HDLBP: variants seen among roughly 807,000 people sequenced by gnomAD.
HDLBP encodes the protein vigilin.
A neutral mutation model predicts 137.3 loss-of-function variants in HDLBP; 30 were observed. That is an observed-to-expected ratio of 0.22 (90% confidence interval 0.16 to 0.30). HDLBP has a LOEUF of 0.30. HDLBP is among the 10% of genes least tolerant of loss of function. HDLBP has a pLI of 1.00. For synonymous variants in HDLBP, 606 were observed against 596.0 expected, an observed-to-expected ratio of 1.02 and a Z score of -0.24; for missense variants, 1,119 against 1,667.3, an observed-to-expected ratio of 0.67 and a Z score of 5.73.
In HDLBP at chr2:241,267,667, C is replaced by G. The variant is rs578000839; in HGVS notation, c.-37-761G>C. 3.3e-6 allele frequency: 5 copies of G among 1,535,602 alleles called. No individual in the cohort carries two copies. The African/African-American group carries it at 6.8e-5, about 21-fold the overall frequency. On this transcript the variant is annotated intron_variant, in intron 2 of 27. Transcript: ENST00000310931. The stretch of plus-strand genomic sequence containing the variant: ...GGTGCATCCAGGCCCCAAACTAAAC[C>G]ACCTCCAAATCTCGACTTAACCAGG...
chr2:241,268,975 G>A (rs1453101786), intron 1 of HDLBP: 4 of 152,212 alleles, frequency 2.6e-5, no homozygotes, highest in African/African-American at 9.7e-5. Context: ...TGTGGACCTC[G>A]GGGTCTCTGC....
chr2:241,303,945 AC>A (rs949194260), intron 1 of HDLBP, among the ~76,000 whole-genome samples: 11 of 152,080 alleles, frequency 7.2e-5, no homozygotes, highest in African/African-American at 2.7e-4. Context: ...AGTAGCTGGG[AC>A]CACAAAGGCA....
Position 241,238,762 on chromosome 2 carries a change from G to A in HDLBP, c.2636C>T (p.Ala879Val). 1 of 1,562,842 alleles carries A rather than the reference G, an allele frequency of 6.4e-7. No individual in the cohort carries two copies. Among genetic ancestry groups the A allele is most frequent in the Non-Finnish European group, 8.7e-7 (1 of 1,145,298 alleles). Reference sequence around the variant, plus strand: ...AGATCGATGGAATTTCTGGGGTATAGCACATTCTAATGTCACCTGAGCTTC... The same window carrying A: ...AGATCGATGGAATTTCTGGGGTATAACACATTCTAATGTCACCTGAGCTTC... The part of the protein sequence containing the change: ...DLEAQVTLEC[A>V]IPQKFHRSVM... Residue 879 changes from alanine (A) to valine (V), a missense_variant, in exon 20 of 28, where the codon GCT (alanine) becomes GTT (valine). Around this residue, in one of 4 missense-constraint regions of HDLBP, gnomAD observed 618 missense variants for 816.7 expected, o/e 0.76. Transcript: ENST00000310931. This position sits in a 1 kb window ranked among gnomAD's most constrained non-coding sequence, Gnocchi z 4.9.
At position 241,227,478 on chromosome 2, in the gene HDLBP, G is replaced by A. The variant is rs1659860984; in HGVS notation, c.*2123C>T. The A allele has an allele frequency of 6.6e-6, 1 of 152,578 alleles. No individual in the cohort carries two copies. Among genetic ancestry groups the A allele is most frequent in the South Asian group, 2.1e-4 (1 of 4,836 alleles). The allele number at this position is 152,578 out of a possible 1,614,324, so 9.5% of individuals were successfully genotyped here. ...AAAAGCACACGCACGCCTCACCCCTGCCTCATCTCTGCCCAGGGCTGTCCT... is the reference window on the plus strand; with the variant it reads ...AAAAGCACACGCACGCCTCACCCCTACCTCATCTCTGCCCAGGGCTGTCCT... On this transcript the variant is annotated 3_prime_UTR_variant, in exon 28 of 28. Transcript: ENST00000310931.
intron 21 of HDLBP, chr2:241,236,362 G>A: frequency 1.9e-6 from 1 of 529,342 alleles, no homozygotes; most frequent in South Asian, 2.3e-5. Context: ...CCGTGGGCCT[G>A]AGAGGCCGGA....
chr2:241,245,021 G>T (rs1438111378), intron 16 of HDLBP, among the ~76,000 whole-genome samples: 1 of 151,892 alleles, frequency 6.6e-6, no homozygotes, highest in African/African-American at 2.4e-5. Flanking sequence ...ATTAAAAAAC[G>T]ATTAAAATGA....
At position 241,272,798 on chromosome 2, in the gene HDLBP, C is replaced by T. The variant is rs896739157; in HGVS notation, c.-102-4257G>A. On this transcript the variant is annotated intron_variant, in intron 1 of 27. Coordinates refer to ENST00000310931, the MANE Select transcript of HDLBP (RefSeq NM_005336.6). The surrounding 1 kb of genome is among the most constrained non-coding windows in gnomAD (Gnocchi z 5.6). ...GCCCGCTGGTCCTGCCGCTGGCTTA[C>T]TCGCCCCCCGCGCGGGAGAAGCCGG... The T allele has an allele frequency of 7.2e-6, 2 of 279,084 alleles. No individual in the cohort carries two copies. The highest frequency in any genetic ancestry group is 1.1e-5 in the Non-Finnish European group (2 of 185,362). 17.3% of individuals were successfully genotyped at this position (279,084 alleles called of 1,614,324 possible).
intron 16 of HDLBP, among the ~76,000 whole-genome samples, chr2:241,243,121 G>C (rs1220657188): frequency 6.6e-6 from 1 of 152,152 alleles, no homozygotes; most frequent in Non-Finnish European, 1.5e-5. Context: ...CCAGGGACTG[G>C]ACTGAACTTA....
chr2:241,298,345 G>C (rs1055808535), intron 1 of HDLBP, among the ~76,000 whole-genome samples: 6 of 151,900 alleles, frequency 3.9e-5, no homozygotes, highest in African/African-American at 1.5e-4. Flanking sequence ...CTGCCTGGGC[G>C]ACAGAGTGAG....
rs1450961206 is a variant in HDLBP at position 241,239,364 on chromosome 2, CCTT to C, written c.2610+235_2610+237del. Among the ~76,000 whole-genome samples, 2 of 152,082 alleles carry C rather than the reference CCTT, an allele frequency of 1.3e-5. No individual in the cohort carries two copies. The highest frequency in any genetic ancestry group is 4.8e-5 in the African/African-American group (2 of 41,396). On this transcript the variant is annotated intron_variant, in intron 19 of 27. Transcript: ENST00000310931. The surrounding 1 kb of genome is among the most constrained non-coding windows in gnomAD (Gnocchi z 4.6). Reference sequence around the variant, plus strand: ...CTCTCTCTCTCCCCTCTCCTCTTCTCCTTCTCTCTCTCTTTTTTTTTTTAAGTG... The same window carrying C: ...CTCTCTCTCTCCCCTCTCCTCTTCTCCTCTCTCTCTTTTTTTTTTTAAGTG...
chr2:241,260,869 C>T lies in HDLBP; in HGVS notation c.450+1842G>A, dbSNP rs561714612. On this transcript the variant is annotated intron_variant, in intron 5 of 27. Transcript: ENST00000310931. ...AGTCAATAGCAGAACCAAAAACCTA[C>T]GGTCCCCACTAATCAATGGCATTAA... Among the ~76,000 whole-genome samples the T allele has an allele frequency of 4.6e-5, 7 of 152,230 alleles. No individual in the cohort carries two copies. The South Asian group carries it at 6.2e-4, about 14-fold the overall frequency.
chr2:241,281,681 G>GT (rs1350507309), intron 1 of HDLBP, among the ~76,000 whole-genome samples: 1 of 152,154 alleles, frequency 6.6e-6, no homozygotes, highest in African/African-American at 2.4e-5. Flanking sequence ...GATATGTGCT[G>GT]TAAGTCTAAA....
At chr2:241,256,837 G>A in intron 5 of HDLBP, 31 bp from the exon 6 acceptor site, 1 of 1,582,104 alleles carries the variant, frequency 6.3e-7, no homozygotes, top group Non-Finnish European at 8.7e-7. Context: ...AAGAAAACAA[G>A]AATATTTGTA....
chr2:241,297,643 G>A (rs1176232995), intron 1 of HDLBP, among the ~76,000 whole-genome samples: 1 of 152,162 alleles, frequency 6.6e-6, no homozygotes, highest in Non-Finnish European at 1.5e-5. Flanking sequence ...TGCCATAAAA[G>A]GGAAGCAGGC....
intron 1 of HDLBP, among the ~76,000 whole-genome samples, chr2:241,288,534 A>T (rs939820864): frequency 6.6e-6 from 1 of 152,224 alleles, no homozygotes; most frequent in African/African-American, 2.4e-5. Context: ...TGTACTCTCC[A>T]CTGGGTGATC....
chr2:241,281,034 G>C (rs1434481037), intron 1 of HDLBP, among the ~76,000 whole-genome samples: 1 of 152,338 alleles, frequency 6.6e-6, no homozygotes, highest in East Asian at 1.9e-4. Flanking sequence ...TAAAGAACAT[G>C]TGTCAGATAA....
intron 27 of HDLBP, 49 bp downstream of exon 27, chr2:241,229,784 G>GGGCCCCCCCCCCCCC: frequency 2.7e-6 from 4 of 1,502,538 alleles, no homozygotes; most frequent in Non-Finnish European, 2.7e-6. Context: ...AAGCCCGCCT[G>GGGCCCCCCCCCCCCC]CCCGCCCACC....
At chr2:241,271,876 G>C (rs1318171277) in intron 1 of HDLBP, 4 of 152,236 alleles carry the variant, frequency 2.6e-5, no homozygotes, top group African/African-American at 9.7e-5. Context: ...GACCACAGGC[G>C]ACTGGCGAGC....
At chr2:241,314,630 G>GA (rs1195904560) in intron 1 of HDLBP, among the ~76,000 whole-genome samples, 1 of 152,108 alleles carries the variant, frequency 6.6e-6, no homozygotes, top group Non-Finnish European at 1.5e-5. Flanking sequence ...AGCCCAAGTC[G>GA]ACTTCCTTCG....
Sources: allele counts gnomAD v4.1 joint callset (sites outside exome capture counted in the v4.1 genomes callset), GRCh38; gene constraint gnomAD v4.1.1; regional missense constraint gnomAD v4.1.1; non-coding constraint Gnocchi (gnomAD v3.1); transcripts MANE v1.5; gene names NCBI Gene and HGNC (gene_info 2026-07-23, HGNC 2026-07-21).